Variants in CNTN5 observed in about 807,000 individuals in gnomAD.
CNTN5 encodes the protein contactin 5.
In CNTN5, 77 loss-of-function variants were observed where a neutral mutation model predicts 129.1. That is an observed-to-expected ratio of 0.60 (90% CI 0.50 to 0.72). CNTN5 has a LOEUF of 0.72. CNTN5 is among the 30% of genes least tolerant of loss of function. CNTN5 has a pLI of 0.00. For synonymous variants in CNTN5, 509 were observed against 465.6 expected, an observed-to-expected ratio of 1.09 and a Z score of -1.20; for missense variants, 1,478 against 1,328.8, an observed-to-expected ratio of 1.11 and a Z score of -1.75.
intron 16 of CNTN5, among the ~76,000 whole-genome samples, chr11:100,248,688 G>T (rs1471076068): frequency 1.3e-5 from 2 of 152,166 alleles, no homozygotes; most frequent in Non-Finnish European, 2.9e-5. Context: ...GAATTTCACA[G>T]AAAATATGAT....
intron 6 of CNTN5, among the ~76,000 whole-genome samples, chr11:99,911,862 G>A (rs1271407206): frequency 6.6e-6 from 1 of 151,822 alleles, no homozygotes; most frequent in African/African-American, 2.4e-5. Context: ...TTAGGATTGG[G>A]TATATCTCTA....
intron 1 of CNTN5, among the ~76,000 whole-genome samples, chr11:99,078,944 A>G (rs2135274864): frequency 6.6e-6 from 1 of 152,246 alleles, no homozygotes; most frequent in East Asian, 1.9e-4. Flanking sequence ...AAAAGAGTAT[A>G]AGTGGAATGT....
At chr11:100,089,107 GT>G (rs1440736686) in intron 13 of CNTN5, among the ~76,000 whole-genome samples, 4 of 152,082 alleles carry the variant, frequency 2.6e-5, no homozygotes, top group Admixed American at 2.0e-4. Context: ...TGATTCATAT[GT>G]TTGTTGAACA....
chr11:100,090,463 C>A (rs1383688625), intron 13 of CNTN5, among the ~76,000 whole-genome samples: 1 of 56,440 alleles, frequency 1.8e-5, no homozygotes, highest in Non-Finnish European at 2.9e-5. Flanking sequence ...CTTTCTCTTT[C>A]TTTCTTTTTC....
At chr11:99,351,180 T>C (rs1938274253) in intron 2 of CNTN5, among the ~76,000 whole-genome samples, 2 of 152,094 alleles carry the variant, frequency 1.3e-5, no homozygotes, top group African/African-American at 4.8e-5. Context: ...TAAAAAAAGG[T>C]CCATTTAACT....
intron 16 of CNTN5, among the ~76,000 whole-genome samples, chr11:100,247,346 T>C (rs1267537389): frequency 6.6e-6 from 1 of 152,132 alleles, no homozygotes; most frequent in Non-Finnish European, 1.5e-5. Flanking sequence ...AAAATTGCTT[T>C]TGGAAAAAAA....
At chr11:99,516,502 A>C (rs1947057344) in intron 2 of CNTN5, among the ~76,000 whole-genome samples, 2 of 152,092 alleles carry the variant, frequency 1.3e-5, no homozygotes, top group Admixed American at 6.6e-5. Flanking sequence ...AACAAAATGA[A>C]AAATAACAAT....
At chr11:99,586,104 C>T (rs1949784234) in intron 3 of CNTN5, among the ~76,000 whole-genome samples, 1 of 151,998 alleles carries the variant, frequency 6.6e-6, no homozygotes, top group African/African-American at 2.4e-5. Context: ...TCCAAATGGC[C>T]TCATGTCTAG....
chr11:99,760,824 A>G (rs943387837), intron 3 of CNTN5, among the ~76,000 whole-genome samples: 5 of 152,136 alleles, frequency 3.3e-5, no homozygotes, highest in African/African-American at 9.7e-5. Flanking sequence ...AAATATTACT[A>G]TTTATTACAC....
At chr11:99,351,281 C>T (rs968385227) in intron 2 of CNTN5, among the ~76,000 whole-genome samples, 1 of 152,198 alleles carries the variant, frequency 6.6e-6, no homozygotes, top group Non-Finnish European at 1.5e-5. Flanking sequence ...CATTGCTACA[C>T]TTACCACTCC....
intron 16 of CNTN5, among the ~76,000 whole-genome samples, chr11:100,254,841 A>G (rs1031665408): frequency 7.9e-5 from 12 of 152,350 alleles, no homozygotes; most frequent in Middle Eastern, 3.4e-3. Context: ...GAAATTCAAA[A>G]TAAAACATTA....
intron 2 of CNTN5, among the ~76,000 whole-genome samples, chr11:99,450,726 C>T (rs771002585): frequency 5.7e-5 from 8 of 141,488 alleles, no homozygotes; most frequent in Admixed American, 1.4e-4. Flanking sequence ...AAGTTTTGTT[C>T]TGTTTAACCT....
chr11:99,661,791 C>T (rs1364823753), intron 3 of CNTN5, among the ~76,000 whole-genome samples: 1 of 152,050 alleles, frequency 6.6e-6, no homozygotes, highest in African/African-American at 2.4e-5. Flanking sequence ...GATTGGAACA[C>T]ATAGGTTTCA....
At chr11:99,889,088 C>A (rs1286016636) in intron 6 of CNTN5, among the ~76,000 whole-genome samples, 4 of 152,068 alleles carry the variant, frequency 2.6e-5, no homozygotes, top group Non-Finnish European at 5.9e-5. Flanking sequence ...GTATAGAGAG[C>A]AGGCAAAATG....
At chr11:100,203,799 T>TACACCCACACACACACAC (rs373015585) in intron 15 of CNTN5, among the ~76,000 whole-genome samples, 3 of 139,100 alleles carry the variant, frequency 2.2e-5, no homozygotes, top group African/African-American at 8.2e-5. Flanking sequence ...AATGTGCACG[T>TACACCCACACACACACAC]ACACACACAC....
At chr11:100,015,013 T>G in intron 9 of CNTN5, among the ~76,000 whole-genome samples, 1 of 152,164 alleles carries the variant, frequency 6.6e-6, no homozygotes, top group East Asian at 1.9e-4. Context: ...GACTCTTTCT[T>G]CCTTTTTATC....
At chr11:99,171,103 C>G (rs192090601) in intron 1 of CNTN5, among the ~76,000 whole-genome samples, 9 of 152,072 alleles carry the variant, frequency 5.9e-5, no homozygotes, top group Admixed American at 2.6e-4. Flanking sequence ...CAAAGTATTG[C>G]ACGTATCTAA....
At chr11:99,639,559 G>GTTTTTTTTTTTT (rs71050010) in intron 3 of CNTN5, among the ~76,000 whole-genome samples, 1 of 70,296 alleles carries the variant, frequency 1.4e-5, no homozygotes, top group African/African-American at 5.6e-5. Flanking sequence ...TCACCTTTAT[G>GTTTTTTTTTTTT]TTTTTTTTTT....
Position 99,213,745 on chromosome 11 carries a change from A to T in CNTN5, c.-209-111601A>T, listed in dbSNP as rs190082227. Among the ~76,000 whole-genome samples, 635 of 152,210 alleles carry T rather than the reference A, an allele frequency of 4.2e-3. 2 individuals are homozygous for T. The highest frequency in any genetic ancestry group is 7.4e-3 in the Non-Finnish European group (501 of 67,988). On this transcript the variant is annotated intron_variant, in intron 1 of 24. Coordinates refer to ENST00000524871, the MANE Select transcript of CNTN5 (RefSeq NM_014361.4). The stretch of plus-strand genomic sequence containing the variant: ...ATCTGGTTTGTTACATACTTCTAAG[A>T]TAGCCTTTGGATTATGCTATTGTCT...
Sources: gnomAD v4.1 joint callset for allele counts (sites outside exome capture counted in the v4.1 genomes callset) on GRCh38, gnomAD v4.1.1 for gene constraint, MANE v1.5 for transcripts, NCBI Gene and HGNC (gene_info 2026-07-23, HGNC 2026-07-21) for gene names.